NALF1: variants seen among roughly 807,000 people sequenced by gnomAD.
NALF1 encodes NALCN channel auxiliary factor 1, also known as family with sequence similarity 155 member A.
In NALF1, 3 loss-of-function variants were observed where a neutral mutation model predicts 48.4. That is an observed-to-expected ratio of 0.06 (90% confidence interval 0.03 to 0.16). The LOEUF (loss-of-function observed/expected upper bound fraction) is 0.16. NALF1 is among the 10% of genes least tolerant of loss of function. The probability of loss-of-function intolerance (pLI) is 1.00; values close to 1 mark genes in which losing one functional copy is unlikely to be tolerated. For missense variants in NALF1, 526 were observed against 571.5 expected (o/e 0.92, Z 0.81); for synonymous variants, 262 against 245.7 (o/e 1.07, Z -0.62).
intron 1 of NALF1, among the ~76,000 whole-genome samples, chr13:107,830,526 G>A (rs2138626586): frequency 6.6e-6 from 1 of 152,272 alleles, no homozygotes; most frequent in Non-Finnish European, 1.5e-5. Context: ...GGGTTTCCCT[G>A]ATGATTAGAA....
chr13:107,496,901 G>A (rs1875357405), intron 1 of NALF1, among the ~76,000 whole-genome samples: 1 of 152,068 alleles, frequency 6.6e-6, no homozygotes, highest in African/African-American at 2.4e-5. Flanking sequence ...CTGCTTCCAG[G>A]ATTCAATTAC....
intron 2 of NALF1, among the ~76,000 whole-genome samples, chr13:107,204,803 A>G (rs949049587): frequency 6.6e-6 from 1 of 152,144 alleles, no homozygotes; most frequent in Non-Finnish European, 1.5e-5. Context: ...ATTTTGTATG[A>G]GATTAAATGA....
At chr13:107,477,782 G>A (rs1418430468) in intron 1 of NALF1, among the ~76,000 whole-genome samples, 3 of 151,674 alleles carry the variant, frequency 2.0e-5, no homozygotes, top group Non-Finnish European at 2.9e-5. Context: ...TTTTCCTGCC[G>A]CTTAAAGGTG....
At chr13:107,518,930 C>G (rs1876147833) in intron 1 of NALF1, among the ~76,000 whole-genome samples, 1 of 152,084 alleles carries the variant, frequency 6.6e-6, no homozygotes, top group Non-Finnish European at 1.5e-5. Context: ...CATGAGGCCA[C>G]AGTGATCCTG....
At chr13:107,470,631 G>A (rs1379451243) in intron 1 of NALF1, among the ~76,000 whole-genome samples, 1 of 152,114 alleles carries the variant, frequency 6.6e-6, no homozygotes, top group African/African-American at 2.4e-5. Context: ...CAAAACTGAG[G>A]GAGCTGGAAA....
At chr13:107,788,371 C>T (rs541829600) in intron 1 of NALF1, 3 of 152,236 alleles carry the variant, frequency 2.0e-5, no homozygotes, top group Admixed American at 6.5e-5. Flanking sequence ...TTGGGACATT[C>T]ATGGTCTGAC....
Position 107,863,983 on chromosome 13 carries a change from C to T in NALF1, c.915+1699G>A, listed in dbSNP as rs550089389. ...AGGCAAATATAATTATTACAGGGTA[C>T]CACTCTTAAACACAACTAAACTGAA... On this transcript the variant is annotated intron_variant, in intron 1 of 2. Coordinates refer to ENST00000375915, the MANE Select transcript of NALF1 (RefSeq NM_001080396.3). 2.0e-5 allele frequency among the ~76,000 whole-genome samples: 3 copies of T among 152,136 alleles called. No individual in the cohort carries two copies. The South Asian group carries it at 6.2e-4, about 32-fold the overall frequency.
At chr13:107,627,464 G>A (rs896128920) in intron 1 of NALF1, among the ~76,000 whole-genome samples, 2 of 152,044 alleles carry the variant, frequency 1.3e-5, no homozygotes, top group African/African-American at 2.4e-5. Flanking sequence ...TACCATGAGC[G>A]AGGAGAAGGC....
At chr13:107,390,322 G>T (rs1883601977) in intron 1 of NALF1, among the ~76,000 whole-genome samples, 1 of 151,550 alleles carries the variant, frequency 6.6e-6, no homozygotes, top group South Asian at 2.1e-4. Context: ...TCCAGCCTGG[G>T]TGACAGAGTG....
chr13:107,326,401 C>G (rs1214582562), intron 1 of NALF1, among the ~76,000 whole-genome samples: 1 of 152,052 alleles, frequency 6.6e-6, no homozygotes, highest in Non-Finnish European at 1.5e-5. Flanking sequence ...TGTAAATTAC[C>G]AACTTTATTA....
At chr13:107,796,857 C>G (rs963176925) in intron 1 of NALF1, among the ~76,000 whole-genome samples, 2 of 152,194 alleles carry the variant, frequency 1.3e-5, no homozygotes, top group Admixed American at 1.3e-4. Context: ...AACTCCTTAA[C>G]AGAGAATACT....
chr13:107,445,284 A>AGTTTTCTAATTTTGTT (rs1272765929), intron 1 of NALF1, among the ~76,000 whole-genome samples: 3 of 152,160 alleles, frequency 2.0e-5, no homozygotes, highest in Non-Finnish European at 4.4e-5. Flanking sequence ...TCTAGTCTTC[A>AGTTTTCTAATTTTGTT]GTTTTCTAAT....
chr13:107,754,157 G>C (rs1877017574), intron 1 of NALF1, among the ~76,000 whole-genome samples: 1 of 152,122 alleles, frequency 6.6e-6, no homozygotes, highest in African/African-American at 2.4e-5. Flanking sequence ...CTTTCATTCT[G>C]ATATGACTTT....
At chr13:107,429,239 C>G (rs1884333209) in intron 1 of NALF1, among the ~76,000 whole-genome samples, 1 of 151,416 alleles carries the variant, frequency 6.6e-6, no homozygotes, top group African/African-American at 2.4e-5. Context: ...GGAGGATTGC[C>G]TGAACCCGGG....
chr13:107,793,845 G>GTT (rs559920669), intron 1 of NALF1, among the ~76,000 whole-genome samples: 2 of 145,582 alleles, frequency 1.4e-5, no homozygotes, highest in Admixed American at 6.9e-5. Flanking sequence ...ATCACTAAAA[G>GTT]TTTTTTTTTT....
chr13:107,217,247 C>T (rs1879892230), intron 1 of NALF1, among the ~76,000 whole-genome samples: 1 of 152,156 alleles, frequency 6.6e-6, no homozygotes, highest in Non-Finnish European at 1.5e-5. Flanking sequence ...TCTTATTTGA[C>T]CTCTTGCCAG....
chr13:107,510,691 G>A (rs765539913), intron 1 of NALF1, among the ~76,000 whole-genome samples: 11 of 152,074 alleles, frequency 7.2e-5, no homozygotes, highest in Non-Finnish European at 1.5e-4. Context: ...GATACTCTGC[G>A]GCTGAACTCA....
At chr13:107,757,150 T>C (rs1053071935) in intron 1 of NALF1, among the ~76,000 whole-genome samples, 4 of 152,158 alleles carry the variant, frequency 2.6e-5, no homozygotes, top group South Asian at 2.1e-4. Context: ...AAGGCAGTGA[T>C]TGAGGTAGTA....
At chr13:107,408,700 A>G (rs1883941374) in intron 1 of NALF1, among the ~76,000 whole-genome samples, 2 of 152,138 alleles carry the variant, frequency 1.3e-5, no homozygotes, top group South Asian at 4.1e-4. Flanking sequence ...TGGCTTCCCA[A>G]TCCATGATCC....
Sources: gnomAD v4.1 joint callset for allele counts (sites outside exome capture counted in the v4.1 genomes callset) on GRCh38, gnomAD v4.1.1 for gene constraint, MANE v1.5 for transcripts, NCBI Gene and HGNC (gene_info 2026-07-23, HGNC 2026-07-21) for gene names.